The following ITIH6 variants were observed in gnomAD, a reference collection of about 807,000 sequenced individuals.
The protein encoded by ITIH6 is inter-alpha-trypsin inhibitor heavy chain family member 6.
In ITIH6, 60 loss-of-function variants were observed where a neutral mutation model predicts 58.2. That is an observed-to-expected ratio of 1.03 (90% CI 0.84 to 1.28). The LOEUF is 1.28. ITIH6 is among the 50% of genes most tolerant of loss of function. ITIH6 has a pLI of 0.00. For synonymous variants in ITIH6, 493 were observed against 417.4 expected, an observed-to-expected ratio of 1.18 and a Z score of -2.21; for missense variants, 1,290 against 1,021.1, an observed-to-expected ratio of 1.26 and a Z score of -3.59.
intron 7 of ITIH6, among the ~76,000 whole-genome samples, chrX:54,759,357 C>T (rs1472436509): frequency 1.8e-5 from 2 of 111,816 alleles, no homozygotes; most frequent in Non-Finnish European, 3.8e-5. Flanking sequence ...ACAGAGTTGA[C>T]AGGAGGCAGT....
At chrX:54,794,476 C>T (rs918567912) in intron 2 of ITIH6, among the ~76,000 whole-genome samples, 6 of 110,916 alleles carry the variant, frequency 5.4e-5, no homozygotes, top group African/African-American at 2.0e-4. Context: ...TCCTTGATTC[C>T]CCTGGGTCCC....
intron 7 of ITIH6, among the ~76,000 whole-genome samples, chrX:54,759,385 G>C (rs1266829624): frequency 8.9e-6 from 1 of 111,977 alleles, no homozygotes; most frequent in Non-Finnish European, 1.9e-5. Context: ...GGAGACTTCA[G>C]TAGTTGTCAG....
At chrX:54,774,331 A>T (rs896530474) in intron 5 of ITIH6, 134 bp from the exon 6 acceptor site, 4 of 339,976 alleles carry the variant, frequency 1.2e-5, no homozygotes, top group Non-Finnish European at 2.1e-5. Flanking sequence ...CTAAACAGGC[A>T]TGTGTGTGAC....
At chrX:54,763,599 G>A (rs749896392) in intron 6 of ITIH6, among the ~76,000 whole-genome samples, 4 of 112,213 alleles carry the variant, frequency 3.6e-5, no homozygotes, top group Non-Finnish European at 5.6e-5. Flanking sequence ...AATGTTCCAC[G>A]TGAGCTTGAG....
intron 4 of ITIH6, 148 bp from the exon 5 acceptor site, chrX:54,788,797 T>G: frequency 2.1e-6 from 1 of 469,922 alleles, no homozygotes; most frequent in South Asian, 3.2e-5. Flanking sequence ...GCCTACATCT[T>G]TCCACCTGCC....
intron 2 of ITIH6, among the ~76,000 whole-genome samples, chrX:54,793,719 T>C (rs887312690): frequency 9.0e-6 from 1 of 111,544 alleles, no homozygotes; most frequent in Non-Finnish European, 1.9e-5. Context: ...GGACAGCAAG[T>C]AGTTAAATTT....
intron 5 of ITIH6, among the ~76,000 whole-genome samples, chrX:54,781,089 A>G (rs1291282784): frequency 9.0e-6 from 1 of 111,599 alleles, no homozygotes; most frequent in African/African-American, 3.3e-5. Context: ...ACAAAAATTA[A>G]CTCAAGATGG....
At chrX:54,756,917 C>T in intron 8 of ITIH6, 48 bp downstream of exon 8, 1 of 820,595 alleles carries the variant, frequency 1.2e-6, no homozygotes, top group African/African-American at 2.0e-5. Flanking sequence ...TGGTACTGTC[C>T]ATTCATACCT....
rs1334619315 is a variant in ITIH6 at position 54,770,241 on chromosome X, G to A, written c.903+3840C>T. 1.3e-4 allele frequency among the ~76,000 whole-genome samples: 15 copies of A among 112,564 alleles called. 1 individual carries two copies. In the Middle Eastern group the frequency reaches 0.014, roughly 105 times the overall value. On this transcript the variant is annotated intron_variant, in intron 6 of 12. Transcript: ENST00000218436. ...AATGCCTCGCCCTGCTTCGGCTCGC[G>A]CATGGTGCGCGCACCCACTGGCCTG...
At chrX:54,776,135 G>A (rs1295177106) in intron 5 of ITIH6, among the ~76,000 whole-genome samples, 1 of 110,279 alleles carries the variant, frequency 9.1e-6, no homozygotes, top group Admixed American at 9.7e-5. Flanking sequence ...GAGGGAGAGT[G>A]CAGCTATTGT....
intron 6 of ITIH6, among the ~76,000 whole-genome samples, chrX:54,761,358 T>C (rs1389565475): frequency 2.7e-5 from 3 of 111,858 alleles, no homozygotes; most frequent in Non-Finnish European, 3.8e-5. Flanking sequence ...GATGAATAGA[T>C]TGCAAAAATT....
intron 6 of ITIH6, among the ~76,000 whole-genome samples, chrX:54,764,574 A>T (rs1928727524): frequency 9.5e-6 from 1 of 104,752 alleles, no homozygotes; most frequent in African/African-American, 3.5e-5. Flanking sequence ...CCATGTCCCT[A>T]CAAAGGACAT....
chrX:54,767,935 C>T (rs1399413965), intron 6 of ITIH6, among the ~76,000 whole-genome samples: 2 of 87,193 alleles, frequency 2.3e-5, no homozygotes, highest in African/African-American at 1.1e-4. Context: ...AGTTCAATTC[C>T]TGGGTATCCT....
chrX:54,763,803 T>C (rs1262842246), intron 6 of ITIH6, among the ~76,000 whole-genome samples: 1 of 112,379 alleles, frequency 8.9e-6, no homozygotes, highest in Non-Finnish European at 1.9e-5. Flanking sequence ...ATTCATGTAT[T>C]TTTACCTTCC....
chrX:54,794,644 C>T (rs1013403094), intron 2 of ITIH6, among the ~76,000 whole-genome samples: 7 of 111,340 alleles, frequency 6.3e-5, no homozygotes, highest in Admixed American at 5.7e-4. Flanking sequence ...AGGGGAAGTG[C>T]CAGGAGGTTC....
rs770287255 is a variant in ITIH6, at chrX:54,757,873, C to A, written c.2201G>T (p.Gly734Val). ...KPTILVPSNS[G>V]TLLPLKPGSL... is the part of the protein sequence containing the mutation. ...GCCGGGCTTCAGAGGCAACAGAGTACCAGAATTTGAGGGCACAAGAATGGT... is the reference window on the plus strand; with the variant it reads ...GCCGGGCTTCAGAGGCAACAGAGTAACAGAATTTGAGGGCACAAGAATGGT... The change falls in exon 8 of 13, where the codon GGT (glycine) becomes GTT (valine). Residue 734 changes from glycine to valine, a missense_variant. Transcript: ENST00000218436. The A allele has an allele frequency of 4.1e-6, 5 of 1,211,264 alleles. No individual in the cohort carries two copies. In the Admixed American group the frequency reaches 1.1e-4, roughly 26 times the overall value.
At chrX:54,795,051 T>C (rs1365839843) in intron 2 of ITIH6, among the ~76,000 whole-genome samples, 1 of 111,940 alleles carries the variant, frequency 8.9e-6, no homozygotes, top group African/African-American at 3.2e-5. Flanking sequence ...CCACCACCAC[T>C]GTCCTGCTCC....
chrX:54,774,062 T>A lies in ITIH6; in HGVS notation c.903+19A>T, dbSNP rs1929006256. 15 of 1,019,235 alleles carry A rather than the reference T, an allele frequency of 1.5e-5. No individual in the cohort carries two copies. The highest frequency in any genetic ancestry group is 2.0e-5 in the Non-Finnish European group (15 of 739,648). The allele number at this position is 1,019,235 out of a possible 1,213,427, so 84.0% of individuals were successfully genotyped here. A position where few individuals can be genotyped will look rare whatever the true frequency, so the allele number is the denominator to read the frequency against. On this transcript the variant is annotated intron_variant, in intron 6 of 12. Transcript: ENST00000218436. The stretch of plus-strand genomic sequence containing the variant: ...CTTCTGATACTAGGACTAAGAAAGG[T>A]TTCCAGGATCCTTGTTACCTGTTCC...
At chrX:54,793,914 C>A (rs1022440559) in intron 2 of ITIH6, among the ~76,000 whole-genome samples, 1 of 111,030 alleles carries the variant, frequency 9.0e-6, no homozygotes, top group African/African-American at 3.3e-5. Flanking sequence ...TCAGAGCTGG[C>A]CTTTGAGGAG....
Sources: gnomAD v4.1 joint callset for allele counts (sites outside exome capture counted in the v4.1 genomes callset) on GRCh38, gnomAD v4.1.1 for gene constraint, MANE v1.5 for transcripts, NCBI Gene and HGNC (gene_info 2026-07-23, HGNC 2026-07-21) for gene names.